Variants in PGAP2 observed in about 807,000 individuals in gnomAD.
The protein encoded by PGAP2 is post-GPI attachment to proteins 2, also known as acyltransferase PGAP2.
In PGAP2, 21 loss-of-function variants were observed where a neutral mutation model predicts 33.2. The observed-to-expected ratio is 0.63, with a 90% CI of 0.45 to 0.91. The LOEUF (loss-of-function observed/expected upper bound fraction) is 0.91. PGAP2 is among the 40% of genes least tolerant of loss of function. The pLI is 0.00. For synonymous variants in PGAP2, 161 were observed against 172.9 expected, an observed-to-expected ratio of 0.93 and a Z score of 0.54; for missense variants, 345 against 424.0, an observed-to-expected ratio of 0.81 and a Z score of 1.64.
chr11:3,822,318 C>G (rs547337647), intron 3 of PGAP2, among the ~76,000 whole-genome samples: 2 of 151,996 alleles, frequency 1.3e-5, no homozygotes, highest in Non-Finnish European at 2.9e-5. Flanking sequence ...GAGCCAAGAT[C>G]GCGCCACTGC....
chr11:3,813,777 A>G (rs1382252069), intron 2 of PGAP2, among the ~76,000 whole-genome samples: 2 of 152,196 alleles, frequency 1.3e-5, no homozygotes, highest in Non-Finnish European at 2.9e-5. Flanking sequence ...TCCAAGCAAA[A>G]TTATAATATT....
intron 2 of PGAP2, among the ~76,000 whole-genome samples, chr11:3,815,459 G>A (rs186429882): frequency 1.3e-3 from 197 of 152,092 alleles, no homozygotes; most frequent in Admixed American, 3.4e-3. Flanking sequence ...CAGGCACACC[G>A]CCACCATGAC....
At chr11:3,808,304 C>T, upstream of PGAP2, 1 of 1,551,512 alleles carries the variant, frequency 6.4e-7, no homozygotes, top group Non-Finnish European at 8.7e-7. Flanking sequence ...GTAGATGGAA[C>T]GCAGCTGAGA....
upstream of PGAP2, among the ~76,000 whole-genome samples, chr11:3,806,638 C>T (rs940419043): frequency 6.6e-6 from 1 of 152,186 alleles, no homozygotes; most frequent in African/African-American, 2.4e-5. Flanking sequence ...TGTGAATTAT[C>T]TCAGGTACCA....
At chr11:3,817,725 C>T in intron 3 of PGAP2, 190 bp downstream of exon 3, 1 of 697,204 alleles carries the variant, frequency 1.4e-6, no homozygotes, top group Non-Finnish European at 2.6e-6. Context: ...AATCACAGTC[C>T]TCCCTGAGTT....
chr11:3,819,943 C>A (rs2088129707), intron 3 of PGAP2, among the ~76,000 whole-genome samples: 1 of 152,096 alleles, frequency 6.6e-6, no homozygotes, highest in Admixed American at 6.5e-5. Context: ...GAAGACAGGA[C>A]CAGCAGCCAC....
chr11:3,818,520 G>A lies in PGAP2; in HGVS notation c.348+985G>A, dbSNP rs369831702. Among the ~76,000 whole-genome samples, 39 of 152,166 alleles carry A rather than the reference G, an allele frequency of 2.6e-4. 1 individual carries two copies. Among genetic ancestry groups the A allele is most frequent in the African/African-American group, 8.2e-4 (34 of 41,510 alleles). The stretch of plus-strand genomic sequence containing the variant: ...TAACAAGTGGCTTTGGCCCAGACTC[G>A]GGGACTGACCTTGGAGGATCCATCC... On this transcript the variant is annotated intron_variant, in intron 3 of 6. Transcript: ENST00000278243.
rs73421091 is a variant in PGAP2 at position 3,823,138 on chromosome 11, A to G, written c.349-745A>G. On this transcript the variant is annotated intron_variant, in intron 3 of 6. Coordinates refer to ENST00000278243, the MANE Select transcript of PGAP2 (RefSeq NM_014489.4). Reference sequence around the variant, plus strand: ...TGCAAGCTCCGCTTCCCAGGTTCACACAGTTCTTCTGATCAGCCTCCTGAG... The same window carrying G: ...TGCAAGCTCCGCTTCCCAGGTTCACGCAGTTCTTCTGATCAGCCTCCTGAG... 0.025 allele frequency: 13,795 copies of G among 544,752 alleles called. 1,554 individuals are homozygous for G. The African/African-American group carries it at 0.25, about 10-fold the overall frequency. 33.7% of individuals were successfully genotyped at this position (544,752 alleles called of 1,614,324 possible).
upstream of PGAP2, chr11:3,808,427 G>A (rs1268851998): frequency 5.8e-6 from 9 of 1,541,200 alleles, no homozygotes; most frequent in Non-Finnish European, 7.9e-6. Flanking sequence ...TGTAAAGCAT[G>A]GTTTGAGGAC....
chr11:3,804,086 C>T (rs111944998), upstream of PGAP2, among the ~76,000 whole-genome samples: 4,165 of 152,224 alleles, frequency 0.027, 192 homozygotes, highest in African/African-American at 0.094. Flanking sequence ...CCACCATGCC[C>T]AGCCCATTTT....
intron 5 of PGAP2, 118 bp from the exon 6 acceptor site, chr11:3,824,902 T>C: frequency 1.3e-6 from 2 of 1,515,914 alleles, no homozygotes; most frequent in South Asian, 1.3e-5. Flanking sequence ...CTCCCTTCCA[T>C]GACCGCTAGT....
At chr11:3,819,640 T>C (rs1426156774) in intron 3 of PGAP2, among the ~76,000 whole-genome samples, 1 of 152,136 alleles carries the variant, frequency 6.6e-6, no homozygotes. Flanking sequence ...TCTGATCTAC[T>C]GTCCTATCAG....
At position 3,817,512 on chromosome 11, in the gene PGAP2, T is replaced by G; in HGVS notation, c.325T>G (p.Tyr109Asp). Residue 109 changes from tyrosine (Y) to aspartate (D), a missense_variant, in exon 3 of 7, where the codon TAC (tyrosine) becomes GAC (aspartate). By Grantham distance (160) the Tyr-to-Asp change is radical. Transcript: ENST00000278243. ...CTGGTCCCTGGTGTTCCACTTTGAGTACACGGTGGCCACTGACTGTGGGGT... is the reference window on the plus strand; with the variant it reads ...CTGGTCCCTGGTGTTCCACTTTGAGGACACGGTGGCCACTGACTGTGGGGT... ...IIWSLVFHFE[Y>D]TVATDCGVPN... 2.5e-6 allele frequency: 4 copies of G among 1,614,074 alleles called. No homozygotes were observed. Among genetic ancestry groups the G allele is most frequent in the Non-Finnish European group, 3.4e-6 (4 of 1,179,976 alleles).
At chr11:3,802,600 T>A (rs80132431) in intron 1 of PGAP2, among the ~76,000 whole-genome samples, 7,292 of 152,154 alleles carry the variant, frequency 0.048, 563 homozygotes, top group African/African-American at 0.16. Context: ...GAACTCACTG[T>A]ATGCAGCTGT....
chr11:3,819,490 G>A (rs1250208138), intron 3 of PGAP2, among the ~76,000 whole-genome samples: 1 of 151,966 alleles, frequency 6.6e-6, no homozygotes, highest in Admixed American at 6.6e-5. Flanking sequence ...GGCATGGGGC[G>A]GGGGACAGTA....
Position 3,802,177 on chromosome 11 carries a change from A to G in PGAP2, c.139+4195A>G, listed in dbSNP as rs114967918. ...AAAGTACAAGTAGATGTGCAGGGAA[A>G]TAGTGCATACTTGTGGAAAGACTGG... is the stretch of plus-strand genomic sequence containing the variant. On this transcript the variant is annotated intron_variant, in intron 1 of 6. Transcript: ENST00000300730. Among the ~76,000 whole-genome samples, 585 of 151,136 alleles carry G rather than the reference A, an allele frequency of 3.9e-3. 1 individual carries two copies. Among genetic ancestry groups the G allele is most frequent in the African/African-American group, 0.013 (539 of 41,220 alleles).
chr11:3,825,147 C>T lies in PGAP2; in HGVS notation c.817+19C>T. On this transcript the variant is annotated intron_variant, in intron 6 of 6. Coordinates refer to ENST00000278243, the MANE Select transcript of PGAP2 (RefSeq NM_014489.4). ...GCTGGAGGTGAGGCCAGGATAGGAT[C>T]CACAGGCGGTCATGAGTGGCTGCGG... 2 of 1,612,152 alleles carry T rather than the reference C, an allele frequency of 1.2e-6. No homozygotes were observed. Among genetic ancestry groups the T allele is most frequent in the Non-Finnish European group, 1.7e-6 (2 of 1,178,254 alleles).
chr11:3,814,048 G>C (rs983371811), intron 2 of PGAP2, among the ~76,000 whole-genome samples: 2 of 152,074 alleles, frequency 1.3e-5, no homozygotes, highest in African/African-American at 4.8e-5. Flanking sequence ...TTCCACCTTG[G>C]AATTTTTATA....
At position 3,798,056 on chromosome 11, in the gene PGAP2, C is replaced by T. The variant is rs985952120; in HGVS notation, c.139+74C>T. The T allele has an allele frequency of 9.9e-6, 15 of 1,516,864 alleles. No homozygotes were observed. In the African/African-American group the frequency reaches 1.4e-4, roughly 14 times the overall value. The allele number at this position is 1,516,864 out of a possible 1,614,324, so 94.0% of individuals were successfully genotyped here. ...AGGCTTCCTAGTCTCTCTGCCCGCACTTCCCGCCCAGACCACGTGCGGAGC... is the reference window on the plus strand; with the variant it reads ...AGGCTTCCTAGTCTCTCTGCCCGCATTTCCCGCCCAGACCACGTGCGGAGC... On this transcript the variant is annotated intron_variant, in intron 1 of 6. Transcript: ENST00000300730.
Sources: allele counts gnomAD v4.1 joint callset (sites outside exome capture counted in the v4.1 genomes callset), GRCh38; gene constraint gnomAD v4.1.1; transcripts MANE v1.5; gene names NCBI Gene and HGNC (gene_info 2026-07-23, HGNC 2026-07-21).